The following EEF1AKMT2 variants were observed in gnomAD, a reference collection of about 807,000 sequenced individuals.
The protein encoded by EEF1AKMT2 is EEF1A lysine methyltransferase 2, also known as eukaryotic translation elongation factor 1 alpha lysine methyltransferase 2.
Under a neutral mutation model 35.8 loss-of-function variants are expected in EEF1AKMT2, and 32 were observed. The ratio of observed to expected loss-of-function variants is 0.89; its 90% CI spans 0.67 to 1.20. EEF1AKMT2 has a LOEUF of 1.20. EEF1AKMT2 is among the 50% of genes most tolerant of loss of function. EEF1AKMT2 has a pLI of 0.00. For synonymous variants in EEF1AKMT2, 121 were observed against 133.7 expected (o/e 0.91, Z 0.65); for missense variants, 330 against 347.5 (o/e 0.95, Z 0.40).
chr10:124,757,123 T>C (rs1318653234), downstream of EEF1AKMT2, among the ~76,000 whole-genome samples: 3 of 151,302 alleles, frequency 2.0e-5, no homozygotes, highest in African/African-American at 7.3e-5. Context: ...TTCAGTGAAA[T>C]GTACGAGACA....
chr10:124,779,518 G>A (rs1041352279), intron 3 of EEF1AKMT2, among the ~76,000 whole-genome samples: 10 of 151,708 alleles, frequency 6.6e-5, no homozygotes, highest in Admixed American at 3.9e-4. Flanking sequence ...AGGCCGAGGC[G>A]GGTGGATCAC....
At chr10:124,762,634 A>T in intron 5 of EEF1AKMT2, 76 bp from the exon 6 acceptor site, 1 of 773,262 alleles carries the variant, frequency 1.3e-6, no homozygotes, top group Non-Finnish European at 1.6e-6. Flanking sequence ...TTGGTCTATC[A>T]TACTATTTCA....
At chr10:124,786,400 G>A (rs1950584275) in intron 3 of EEF1AKMT2, among the ~76,000 whole-genome samples, 2 of 152,006 alleles carry the variant, frequency 1.3e-5, no homozygotes, top group South Asian at 4.2e-4. Context: ...CAGCTACTCA[G>A]GAGGCTGAGG....
chr10:124,780,914 C>T (rs1950533876), intron 3 of EEF1AKMT2, among the ~76,000 whole-genome samples: 1 of 151,862 alleles, frequency 6.6e-6, no homozygotes, highest in Admixed American at 6.6e-5. Context: ...CTGCAGATTC[C>T]TCATGAGAAA....
intron 4 of EEF1AKMT2, among the ~76,000 whole-genome samples, chr10:124,770,821 G>A (rs116733830): frequency 0.051 from 7,725 of 152,144 alleles, 632 homozygotes; most frequent in African/African-American, 0.17. Flanking sequence ...TTCTCTGGTC[G>A]TCCACCATAA....
In EEF1AKMT2 at chr10:124,761,144, A is replaced by G. The variant is rs372996563; in HGVS notation, c.*-641T>C. 2.6e-5 allele frequency among the ~76,000 whole-genome samples: 4 copies of G among 152,376 alleles called. No individual in the cohort carries two copies. In the South Asian group the frequency reaches 8.3e-4, roughly 32 times the overall value. On this transcript the variant is annotated intron_variant, in intron 6 of 6. Transcript: ENST00000368836. ...CAGCCTCCCAAAGTGCTAGGATTAC[A>G]GGCGTGAGCAACATCGCCTGGCCCT... is the stretch of plus-strand genomic sequence containing the variant.
rs1197094012 is a variant in EEF1AKMT2, at chr10:124,759,568, T to C, written c.*935A>G. The C allele has an allele frequency of 1.3e-5, 2 of 152,200 alleles. No homozygotes were observed. Among genetic ancestry groups the C allele is most frequent in the Admixed American group, 1.3e-4 (2 of 15,276 alleles). 9.4% of individuals were successfully genotyped at this position (152,200 alleles called of 1,614,324 possible). ...GGCAGAATATGCTAGGAGAAGAGTA[T>C]GTGTTTTAAAGTCAGACAGACCCAG... On this transcript the variant is annotated 3_prime_UTR_variant, in exon 7 of 7. Transcript: ENST00000368836.
At chr10:124,764,823 T>C (rs1176365176) in intron 5 of EEF1AKMT2, among the ~76,000 whole-genome samples, 1 of 152,242 alleles carries the variant, frequency 6.6e-6, no homozygotes, top group Non-Finnish European at 1.5e-5. Flanking sequence ...GCACAATATA[T>C]GTGCTTTTTG....
chr10:124,757,350 T>C (rs1204266211), downstream of EEF1AKMT2, among the ~76,000 whole-genome samples: 1 of 151,438 alleles, frequency 6.6e-6, no homozygotes, highest in Non-Finnish European at 1.5e-5. Flanking sequence ...GGAGACAAAC[T>C]GTTCACATTT....
chr10:124,791,821 C>A lies in EEF1AKMT2; in HGVS notation c.13G>T (p.Ala5Ser), dbSNP rs753427613. ...ACCGCAGCGCCACCGCCGCCGTCAGCGCCCGAGCTCATTTCGCTCCACGTC... is the reference window on the plus strand; with the variant it reads ...ACCGCAGCGCCACCGCCGCCGTCAGAGCCCGAGCTCATTTCGCTCCACGTC... MSSG[A>S]DGGGGAAVAA... The change falls in exon 1 of 7, where the codon GCT becomes TCT. Residue 5 changes from alanine (A) to serine (S), a missense_variant. By Grantham distance (99) the Ala-to-Ser change is moderately conservative. Transcript: ENST00000368836. 5 of 1,580,956 alleles carry A rather than the reference C, an allele frequency of 3.2e-6. No individual in the cohort carries two copies. In the South Asian group the frequency reaches 5.7e-5, roughly 18 times the overall value.
In EEF1AKMT2 at chr10:124,762,178, ATCAAAT is replaced by A. The variant is rs1396638193; in HGVS notation, c.875+116_875+121del. The A allele has an allele frequency of 9.0e-6, 7 of 779,672 alleles. No individual in the cohort carries two copies. The African/African-American group carries it at 1.3e-4, about 14-fold the overall frequency. The allele number at this position is 779,672 out of a possible 1,614,324, so 48.3% of individuals were successfully genotyped here. A position where few individuals can be genotyped will look rare whatever the true frequency, so the allele number is the denominator to read the frequency against. On this transcript the variant is annotated intron_variant, in intron 6 of 6. Transcript: ENST00000368836. ...TAACGCCAATGCGCCACCCCACGCC[ATCAAAT>A]TCACTGTGATTTTGTAAAGATCCAA...
intron 4 of EEF1AKMT2, among the ~76,000 whole-genome samples, chr10:124,768,534 C>T (rs1233271853): frequency 2.0e-5 from 3 of 152,080 alleles, no homozygotes; most frequent in South Asian, 2.1e-4. Context: ...CACCTTAGGT[C>T]GTGAGTTCAA....
At chr10:124,773,311 CCT>C (rs1263738445) in intron 4 of EEF1AKMT2, among the ~76,000 whole-genome samples, 1 of 152,126 alleles carries the variant, frequency 6.6e-6, no homozygotes, top group South Asian at 2.1e-4. Context: ...AATCCTCCTG[CCT>C]CTGTTTTTTT....
rs1034862916 is a variant in EEF1AKMT2, at chr10:124,758,338, G to C, written c.*2165C>G. 1 of 152,010 alleles carries C rather than the reference G, an allele frequency of 6.6e-6. No homozygotes were observed. Among genetic ancestry groups the C allele is most frequent in the African/African-American group, 2.4e-5 (1 of 41,368 alleles). 9.4% of individuals were successfully genotyped at this position (152,010 alleles called of 1,614,324 possible). A position where few individuals can be genotyped will look rare whatever the true frequency, so the allele number is the denominator to read the frequency against. ...GGAACCTGGTGACACTTGCTGGCCT[G>C]GTTTTTACAGTTTGGTATTATGTGA... is the stretch of plus-strand genomic sequence containing the variant. On this transcript the variant is annotated 3_prime_UTR_variant, in exon 7 of 7. Coordinates refer to ENST00000368836, the MANE Select transcript of EEF1AKMT2 (RefSeq NM_212554.4).
chr10:124,788,929 A>G lies in EEF1AKMT2; in HGVS notation c.291+114T>C, dbSNP rs116784628. The G allele has an allele frequency of 1.3e-4, 92 of 696,482 alleles. No homozygotes were observed. The African/African-American group carries it at 1.5e-3, about 12-fold the overall frequency. The allele number at this position is 696,482 out of a possible 1,614,324, so 43.1% of individuals were successfully genotyped here. A position where few individuals can be genotyped will look rare whatever the true frequency, so the allele number is the denominator to read the frequency against. On this transcript the variant is annotated intron_variant, in intron 3 of 6. Transcript: ENST00000368836. ...CCTTTTGTACTATCTGACTTCTCCA[A>G]GTATGACTGCTTTACTATTTTATAT...
intron 3 of EEF1AKMT2, among the ~76,000 whole-genome samples, chr10:124,778,975 T>C (rs952160199): frequency 2.0e-5 from 3 of 151,962 alleles, no homozygotes; most frequent in African/African-American, 7.3e-5. Flanking sequence ...GTAGTACGTA[T>C]AAGAAATGGT....
intron 4 of EEF1AKMT2, among the ~76,000 whole-genome samples, chr10:124,767,934 C>T (rs955691420): frequency 1.3e-5 from 2 of 152,094 alleles, no homozygotes; most frequent in African/African-American, 2.4e-5. Flanking sequence ...TGCGGTGAGC[C>T]GAGATCACGC....
In EEF1AKMT2 at chr10:124,758,563, T is replaced by C. The variant is rs1432229934; in HGVS notation, c.*1940A>G. 1.3e-4 allele frequency: 20 copies of C among 148,200 alleles called. No homozygotes were observed. Among genetic ancestry groups the C allele is most frequent in the Non-Finnish European group, 3.0e-5 (2 of 67,152 alleles). The allele number at this position is 148,200 out of a possible 1,614,324, so 9.2% of individuals were successfully genotyped here. On this transcript the variant is annotated 3_prime_UTR_variant, in exon 7 of 7. Coordinates refer to ENST00000368836, the MANE Select transcript of EEF1AKMT2 (RefSeq NM_212554.4). ...GCAAATGGCACTAACATGCCCCAAA[T>C]AGTGACTCGAAAAGCTTTTCAACAA...
At chr10:124,774,616 A>G in intron 4 of EEF1AKMT2, 59 bp downstream of exon 4, 1 of 877,630 alleles carries the variant, frequency 1.1e-6, no homozygotes. Flanking sequence ...GTCAATTAAT[A>G]TGCTCTAGAA....
Sources: gnomAD v4.1 joint callset for allele counts (sites outside exome capture counted in the v4.1 genomes callset) on GRCh38, gnomAD v4.1.1 for gene constraint, MANE v1.5 for transcripts, NCBI Gene and HGNC (gene_info 2026-07-23, HGNC 2026-07-21) for gene names.